The following TEFM variants were observed in gnomAD, a reference collection of about 807,000 sequenced individuals.
TEFM encodes the protein transcription elongation factor of mitochondria.
Under a neutral mutation model 23.0 loss-of-function variants are expected in TEFM, and 14 were observed. That is an observed-to-expected ratio of 0.61 (90% CI 0.40 to 0.95). TEFM has a LOEUF of 0.95. TEFM is among the 40% of genes least tolerant of loss of function. The probability of loss-of-function intolerance (pLI) is 0.00; values close to 1 mark genes in which losing one functional copy is unlikely to be tolerated. For synonymous variants in TEFM, 155 were observed against 158.3 expected (o/e 0.98, Z 0.16); for missense variants, 386 against 425.5 (o/e 0.91, Z 0.82).
Position 30,904,047 on chromosome 17 carries a change from G to A in TEFM, c.495+19C>T, listed in dbSNP as rs373004522. ...AGGTTCTCAAATATTAGGCAGTATA[G>A]CAGACATGAAGAATATACCTTAAGT... On this transcript the variant is annotated intron_variant, in intron 2 of 3. Transcript: ENST00000581216. 25 of 1,595,882 alleles carry A rather than the reference G, an allele frequency of 1.6e-5. No homozygotes were observed. In the African/African-American group the frequency reaches 3.2e-4, roughly 21 times the overall value.
rs11653096 is a variant in TEFM, at chr17:30,906,145, C to G, written c.31+23G>C. On this transcript the variant is annotated intron_variant, in intron 1 of 3. Transcript: ENST00000581216. ...GAGGCTAATGACAGACGGGAAATCACCCCAGTGTTCCAAGCACCCTACCTC... is the reference window on the plus strand; with the variant it reads ...GAGGCTAATGACAGACGGGAAATCAGCCCAGTGTTCCAAGCACCCTACCTC... The G allele has an allele frequency of 5.5e-6, 7 of 1,266,186 alleles. No individual in the cohort carries two copies. In the East Asian group the frequency reaches 2.2e-4, roughly 40 times the overall value. 78.4% of individuals were successfully genotyped at this position (1,266,186 alleles called of 1,614,324 possible). A position where few individuals can be genotyped will look rare whatever the true frequency, so the allele number is the denominator to read the frequency against.
chr17:30,899,689 T>A, intron 3 of TEFM, 83 bp from the exon 4 acceptor site: 1 of 908,008 alleles, frequency 1.1e-6, no homozygotes, highest in Non-Finnish European at 1.5e-6. Flanking sequence ...CACTTCTATT[T>A]AAAAATATTA....
chr17:30,903,517 C>CTTTTTT (rs397935118), intron 2 of TEFM, among the ~76,000 whole-genome samples: 1 of 129,912 alleles, frequency 7.7e-6, no homozygotes, highest in African/African-American at 2.8e-5. Context: ...GAGCCAGCCG[C>CTTTTTT]TTTTTTTTTT....
At chr17:30,901,746 T>C (rs1193204699) in intron 2 of TEFM, among the ~76,000 whole-genome samples, 1 of 152,196 alleles carries the variant, frequency 6.6e-6, no homozygotes, top group African/African-American at 2.4e-5. Flanking sequence ...AAGATTTACA[T>C]TTCAGAAAAA....
In TEFM at chr17:30,899,056, T is replaced by A; in HGVS notation, c.*113A>T. ...CATTTAATAGCCAAAAGTCAGAATT[T>A]AAACATCTAAAATACACTGAAAATG... On this transcript the variant is annotated 3_prime_UTR_variant, in exon 4 of 4. Transcript: ENST00000581216. 1 of 1,081,124 alleles carries A rather than the reference T, an allele frequency of 9.2e-7. No individual in the cohort carries two copies. 67.0% of individuals were successfully genotyped at this position (1,081,124 alleles called of 1,614,324 possible). A position where few individuals can be genotyped will look rare whatever the true frequency, so the allele number is the denominator to read the frequency against.
At position 30,904,317 on chromosome 17, in the gene TEFM, T is replaced by C. The variant is rs139420851; in HGVS notation, c.244A>G (p.Thr82Ala). 67 of 1,614,240 alleles carry C rather than the reference T, an allele frequency of 4.2e-5. No homozygotes were observed. In the East Asian group the frequency reaches 1.2e-3, roughly 29 times the overall value. ...AATCGGAAAGCTTCAAGTTCTTTAG[T>C]AGATGCTGTATTCAACACATGCAAG... is the stretch of plus-strand genomic sequence containing the variant. ...SILHVLNTAS[T>A]KELEAFRLLR... is the part of the protein sequence containing the mutation. The change falls in exon 2 of 4, where the codon ACT (threonine) becomes GCT (alanine). Residue 82 changes from threonine (T) to alanine (A), a missense_variant. Transcript: ENST00000581216.
At chr17:30,905,087 T>A (rs1475334504) in intron 1 of TEFM, among the ~76,000 whole-genome samples, 1 of 152,220 alleles carries the variant, frequency 6.6e-6, no homozygotes, top group Non-Finnish European at 1.5e-5. Flanking sequence ...TATTTATGGA[T>A]CAGTCCGAAG....
intron 3 of TEFM, 28 bp downstream of exon 3, chr17:30,900,385 T>C (rs1489516119): frequency 1.2e-6 from 2 of 1,609,780 alleles, no homozygotes; most frequent in Non-Finnish European, 1.7e-6. Flanking sequence ...CTCTAGCAGG[T>C]AGGAATCTGG....
In TEFM at chr17:30,904,967, T is replaced by C. The variant is rs540446578; in HGVS notation, c.32-438A>G. Among the ~76,000 whole-genome samples the C allele has an allele frequency of 4.5e-4, 69 of 152,170 alleles. 1 individual carries two copies. Among genetic ancestry groups the C allele is most frequent in the Middle Eastern group, 6.8e-3 (2 of 294 alleles). ...TGCTGGGATTACAGGCGTGAGCCACTGTGCCCGGCCCGAGAATCATCTTTA... is the reference window on the plus strand; with the variant it reads ...TGCTGGGATTACAGGCGTGAGCCACCGTGCCCGGCCCGAGAATCATCTTTA... On this transcript the variant is annotated intron_variant, in intron 1 of 3. Transcript: ENST00000581216.
chr17:30,900,528 G>A lies in TEFM; in HGVS notation c.530C>T (p.Thr177Ile). ...AAGGTGAGCCCAGGCAATTCTTCGAGTACCAAAAACGATAGATATGATACT... is the reference window on the plus strand; with the variant it reads ...AAGGTGAGCCCAGGCAATTCTTCGAATACCAAAAACGATAGATATGATACT... Reference protein sequence around the residue: ...VNSIISIVFGTRRIAWAHLDR... With the variant: ...VNSIISIVFGIRRIAWAHLDR... The change falls in exon 3 of 4, where the codon ACT (threonine) becomes ATT (isoleucine). Residue 177 changes from threonine (T) to isoleucine (I), a missense_variant. Coordinates refer to ENST00000581216, the MANE Select transcript of TEFM (RefSeq NM_024683.4). 1 of 1,614,022 alleles carries A rather than the reference G, an allele frequency of 6.2e-7. No individual in the cohort carries two copies. The highest frequency in any genetic ancestry group is 8.5e-7 in the Non-Finnish European group (1 of 1,179,936).
intron 1 of TEFM, among the ~76,000 whole-genome samples, chr17:30,905,894 C>G (rs1910159638): frequency 6.6e-6 from 1 of 152,154 alleles, no homozygotes; most frequent in Admixed American, 6.5e-5. Flanking sequence ...AAAACTGCCC[C>G]GTCAGCTAGG....
intron 2 of TEFM, among the ~76,000 whole-genome samples, chr17:30,900,992 A>G (rs1049896902): frequency 2.6e-5 from 4 of 151,978 alleles, no homozygotes; most frequent in Non-Finnish European, 5.9e-5. Flanking sequence ...TTTATAGTTT[A>G]TGAACTGAGA....
Position 30,906,226 on chromosome 17 carries a change from T to G in TEFM, c.-28A>C, listed in dbSNP as rs954967281. 5.6e-6 allele frequency: 9 copies of G among 1,614,138 alleles called. No homozygotes were observed. Among genetic ancestry groups the G allele is most frequent in the Non-Finnish European group, 6.8e-6 (8 of 1,180,052 alleles). On this transcript the variant is annotated 5_prime_UTR_variant, in exon 1 of 4. Coordinates refer to ENST00000581216, the MANE Select transcript of TEFM (RefSeq NM_024683.4). ...CCAAGTTGAATCAGTAGGTCCAGTC[T>G]TCCTCCATTGACTTCCGGTTCCTGC...
intron 2 of TEFM, among the ~76,000 whole-genome samples, chr17:30,902,291 C>T (rs1285119791): frequency 6.6e-6 from 1 of 152,070 alleles, no homozygotes; most frequent in Admixed American, 6.6e-5. Flanking sequence ...ATCTTAAAGA[C>T]AAAATAGTAT....
rs1910021874 is a variant in TEFM at position 30,900,626 on chromosome 17, G to A, written c.496-64C>T. The stretch of plus-strand genomic sequence containing the variant: ...TTTAGTTTTTTCTTTTTTTGAGACG[G>A]AGTCTCGCTCTGTCTCCCAGGCTGG... On this transcript the variant is annotated intron_variant, in intron 2 of 3. Coordinates refer to ENST00000581216, the MANE Select transcript of TEFM (RefSeq NM_024683.4). The A allele has an allele frequency of 2.8e-6, 4 of 1,450,710 alleles. No individual in the cohort carries two copies. In the East Asian group the frequency reaches 9.2e-5, roughly 33 times the overall value. The allele number at this position is 1,450,710 out of a possible 1,614,324, so 89.9% of individuals were successfully genotyped here.
At chr17:30,900,603 T>C (rs1266099404) in intron 2 of TEFM, 41 bp from the exon 3 acceptor site, 2 of 1,577,318 alleles carry the variant, frequency 1.3e-6, no homozygotes, top group East Asian at 2.2e-5. Context: ...ATAAACATTT[T>C]AGTTTTTTCT....
rs759029164 is a variant in TEFM at position 30,899,126 on chromosome 17, G to A, written c.*43C>T. ...GGATGTTCACAACAGTTGGTGTTACGTTAGAGCTAATAATTATACTTTAGC... is the reference window on the plus strand; with the variant it reads ...GGATGTTCACAACAGTTGGTGTTACATTAGAGCTAATAATTATACTTTAGC... On this transcript the variant is annotated 3_prime_UTR_variant, in exon 4 of 4. Transcript: ENST00000581216. The A allele has an allele frequency of 6.9e-6, 10 of 1,459,318 alleles. No individual in the cohort carries two copies. The highest frequency in any genetic ancestry group is 5.5e-5 in the South Asian group (4 of 72,496). The allele number at this position is 1,459,318 out of a possible 1,614,324, so 90.4% of individuals were successfully genotyped here.
intron 2 of TEFM, among the ~76,000 whole-genome samples, chr17:30,901,057 C>G (rs912756821): frequency 6.6e-6 from 1 of 152,110 alleles, no homozygotes; most frequent in Admixed American, 6.6e-5. Context: ...GAGTCTCGTT[C>G]TGTCACCCAG....
intron 1 of TEFM, among the ~76,000 whole-genome samples, chr17:30,905,000 A>G (rs1189377506): frequency 6.6e-6 from 1 of 152,038 alleles, no homozygotes; most frequent in African/African-American, 2.4e-5. Context: ...TTAAAAGAGG[A>G]TTAGTTTTTA....
Sources: allele counts gnomAD v4.1 joint callset (sites outside exome capture counted in the v4.1 genomes callset), GRCh38; gene constraint gnomAD v4.1.1; transcripts MANE v1.5; gene names NCBI Gene and HGNC (gene_info 2026-07-23, HGNC 2026-07-21).